ABLIM2: variants seen among roughly 807,000 people sequenced by gnomAD.
ABLIM2 encodes the protein actin binding LIM protein family member 2.
In ABLIM2, 53 loss-of-function variants were observed where a neutral mutation model predicts 97.7. The ratio of observed to expected loss-of-function variants is 0.54; its 90% CI spans 0.44 to 0.68. The LOEUF (loss-of-function observed/expected upper bound fraction) is 0.68, where lower values mean the gene tolerates loss of function less well. Among genes scored for constraint, ABLIM2 ranks in the 30% least tolerant of loss-of-function variants. The probability of loss-of-function intolerance (pLI) is 0.00; values close to 1 mark genes in which losing one functional copy is unlikely to be tolerated. For synonymous variants in ABLIM2, 361 were observed against 345.8 expected, an observed-to-expected ratio of 1.04 and a Z score of -0.49; for missense variants, 835 against 867.2, an observed-to-expected ratio of 0.96 and a Z score of 0.47.
rs1560478001 is a variant in ABLIM2, at chr4:7,994,082, T to TAAAAGACCTGTCCTGGGTCCC, written c.1619-1156_1619-1155insGGGACCCAGGACAGGTCTTTT. 1.6e-3 allele frequency: 98 copies of TAAAAGACCTGTCCTGGGTCCC among 62,476 alleles called. 24 individuals are homozygous for TAAAAGACCTGTCCTGGGTCCC. Among genetic ancestry groups the TAAAAGACCTGTCCTGGGTCCC allele is most frequent in the Middle Eastern group, 5.2e-3 (2 of 388 alleles). The allele number at this position is 62,476 out of a possible 1,614,324, so 3.9% of individuals were successfully genotyped here. On this transcript the variant is annotated intron_variant, in intron 16 of 20. Transcript: ENST00000447017. ...CCCTCCACACCCAGGGAAGCATTCTTTTTTTTTTTTTTTTTTTTTTTTTTT... is the reference window on the plus strand; with the variant it reads ...CCCTCCACACCCAGGGAAGCATTCTTAAAAGACCTGTCCTGGGTCCCTTTTTTTTTTTTTTTTTTTTTTTTT...
intron 16 of ABLIM2, 86 bp from the exon 17 acceptor site, chr4:7,993,013 GTGGGCAAGGC>G: frequency 6.8e-7 from 1 of 1,460,834 alleles, no homozygotes; most frequent in South Asian, 1.2e-5. Context: ...TCCCACCGGG[GTGGGCAAGGC>G]TGGGCAAGCA....
Position 7,998,512 on chromosome 4 carries a change from G to T in ABLIM2, c.1619-5585C>A. The T allele has an allele frequency of 2.3e-6, 1 of 440,600 alleles. No homozygotes were observed. Among genetic ancestry groups the T allele is most frequent in the Middle Eastern group, 3.5e-4 (1 of 2,848 alleles). The allele number at this position is 440,600 out of a possible 1,614,324, so 27.3% of individuals were successfully genotyped here. ...TGTGGGGATAAAATGCCCTTCTTGG[G>T]GTGTCCTGTGTCGCTGGGTGGGGGT... is the stretch of plus-strand genomic sequence containing the variant. On this transcript the variant is annotated intron_variant, in intron 16 of 20. Transcript: ENST00000447017. The surrounding 1 kb of genome is among the most constrained non-coding windows in gnomAD (Gnocchi z 6.4).
chr4:8,003,787 A>G lies in ABLIM2; in HGVS notation c.1618+4272T>C, dbSNP rs1759042472. 6.6e-6 allele frequency among the ~76,000 whole-genome samples: 1 copy of G among 151,176 alleles called. No individual in the cohort carries two copies. The highest frequency in any genetic ancestry group is 2.1e-4 in the South Asian group (1 of 4,788). On this transcript the variant is annotated intron_variant, in intron 16 of 20. Coordinates refer to ENST00000447017, the MANE Select transcript of ABLIM2 (RefSeq NM_001130083.2). This position sits in a 1 kb window ranked among gnomAD's most constrained non-coding sequence, Gnocchi z 4.2. ...ACCATGTTGGTCAGGCTGGTCTCGA[A>G]CTCCTGACCTCAGGTGATCTGCCCG...
chr4:8,016,043 A>ATTTTTTTTTT (rs4006048), intron 14 of ABLIM2, among the ~76,000 whole-genome samples: 4 of 111,110 alleles, frequency 3.6e-5, no homozygotes, highest in African/African-American at 7.4e-5. Flanking sequence ...TTGTTGTTGT[A>ATTTTTTTTTT]TTTTTTTTTT....
At chr4:8,102,814 G>A (rs554053321) in intron 2 of ABLIM2, among the ~76,000 whole-genome samples, 3 of 152,346 alleles carry the variant, frequency 2.0e-5, no homozygotes, top group African/African-American at 7.2e-5. Context: ...CCCACCTGAG[G>A]ACGGCCATGA....
At chr4:8,117,414 G>A (rs947689219) in intron 1 of ABLIM2, among the ~76,000 whole-genome samples, 5 of 150,818 alleles carry the variant, frequency 3.3e-5, no homozygotes, top group Non-Finnish European at 7.4e-5. Context: ...AGATTCTCCT[G>A]CTTCAGGCTC....
intron 10 of ABLIM2, 132 bp downstream of exon 10, chr4:8,036,017 C>T: frequency 1.8e-6 from 2 of 1,141,452 alleles, no homozygotes; most frequent in Non-Finnish European, 2.4e-6. Flanking sequence ...CGTGAAGAGG[C>T]TGAGCGTGTG....
intron 20 of ABLIM2, among the ~76,000 whole-genome samples, chr4:7,981,440 C>T (rs761820138): frequency 4.3e-4 from 65 of 152,138 alleles, no homozygotes; most frequent in African/African-American, 1.3e-3. Context: ...TTCTATCTTC[C>T]GGAAACATAT....
chr4:8,092,334 A>G (rs1829271272), intron 3 of ABLIM2, among the ~76,000 whole-genome samples: 1 of 152,088 alleles, frequency 6.6e-6, no homozygotes, highest in Admixed American at 6.6e-5. Flanking sequence ...GTGAAAGACA[A>G]TAGAATCTCA....
Position 8,081,883 on chromosome 4 carries a change from C to T in ABLIM2, c.455-1081G>A, listed in dbSNP as rs77592469. 3.6e-3 allele frequency among the ~76,000 whole-genome samples: 543 copies of T among 152,282 alleles called. 2 individuals carry two copies. The highest frequency in any genetic ancestry group is 0.01 in the Middle Eastern group (3 of 294). On this transcript the variant is annotated intron_variant, in intron 4 of 20. Coordinates refer to ENST00000447017, the MANE Select transcript of ABLIM2 (RefSeq NM_001130083.2). ...TGTGCATTGATTCATGGATCACACA[C>T]GTCCTCACTCCAGGGACCTGCACCT...
Position 8,061,125 on chromosome 4 carries a change from A to T in ABLIM2, c.676-71T>A. 7.5e-7 allele frequency: 1 copy of T among 1,340,076 alleles called. No individual in the cohort carries two copies. The highest frequency in any genetic ancestry group is 1.0e-6 in the Non-Finnish European group (1 of 959,164). 83.0% of individuals were successfully genotyped at this position (1,340,076 alleles called of 1,614,324 possible). A position where few individuals can be genotyped will look rare whatever the true frequency, so the allele number is the denominator to read the frequency against. On this transcript the variant is annotated intron_variant, in intron 6 of 20. Transcript: ENST00000447017. This position sits in a 1 kb window ranked among gnomAD's most constrained non-coding sequence, Gnocchi z 4.5. ...GGTCGGCTGGGTCCCAGCGCCCGGC[A>T]TGGATACAGCATGCCCTGAGCACAG...
chr4:8,009,041 T>C lies in ABLIM2; in HGVS notation c.1476+9A>G, dbSNP rs754642484. On this transcript the variant is annotated intron_variant, in intron 15 of 20. Transcript: ENST00000447017. ...GCTGTTCTCAGCCAGATCTGCTCCC[T>C]GGCATTACCTTCCTGTTATCCTGGT... The C allele has an allele frequency of 1.8e-5, 29 of 1,613,892 alleles. No individual in the cohort carries two copies. The highest frequency in any genetic ancestry group is 6.6e-5 in the South Asian group (6 of 91,090).
In ABLIM2 at chr4:8,002,034, C is replaced by T. The variant is rs1166208176; in HGVS notation, c.1618+6025G>A. Among the ~76,000 whole-genome samples, 1 of 152,182 alleles carries T rather than the reference C, an allele frequency of 6.6e-6. No homozygotes were observed. Among genetic ancestry groups the T allele is most frequent in the African/African-American group, 2.4e-5 (1 of 41,448 alleles). The stretch of plus-strand genomic sequence containing the variant: ...CTGGGGGCCAGGCAGGAGATCACAC[C>T]TGATTTGAGTCTCAGACCCTCTTGA... On this transcript the variant is annotated intron_variant, in intron 16 of 20. Transcript: ENST00000447017. The surrounding 1 kb of genome is among the most constrained non-coding windows in gnomAD (Gnocchi z 6.1).
intron 1 of ABLIM2, among the ~76,000 whole-genome samples, chr4:8,136,685 C>T (rs1037891437): frequency 6.6e-6 from 1 of 152,190 alleles, no homozygotes; most frequent in African/African-American, 2.4e-5. Context: ...TGAGTCATGC[C>T]GACAAGGCCG....
At chr4:8,065,946 G>A (rs1433314899) in intron 6 of ABLIM2, among the ~76,000 whole-genome samples, 2 of 131,096 alleles carry the variant, frequency 1.5e-5, no homozygotes, top group Non-Finnish European at 3.2e-5. Context: ...GGAAAGAAGG[G>A]AATGGAAGGG....
intron 20 of ABLIM2, among the ~76,000 whole-genome samples, chr4:7,972,344 C>T (rs55740839): frequency 0.22 from 33,396 of 152,206 alleles, 4,501 homozygotes; most frequent in Middle Eastern, 0.35. Context: ...CTCCCATTCA[C>T]CAGCAGCTCT....
In ABLIM2 at chr4:8,123,956, A is replaced by G. The variant is rs1846655470; in HGVS notation, c.11-17319T>C. ...GACCTAAGGAATGCTACTCATGGCTAGAAACCCAAACAGTACATCAAAGAT... is the reference window on the plus strand; with the variant it reads ...GACCTAAGGAATGCTACTCATGGCTGGAAACCCAAACAGTACATCAAAGAT... On this transcript the variant is annotated intron_variant, in intron 1 of 20. Coordinates refer to ENST00000447017, the MANE Select transcript of ABLIM2 (RefSeq NM_001130083.2). The surrounding 1 kb of genome is among the most constrained non-coding windows in gnomAD (Gnocchi z 6.2). Among the ~76,000 whole-genome samples the G allele has an allele frequency of 6.6e-6, 1 of 152,198 alleles. No individual in the cohort carries two copies. The highest frequency in any genetic ancestry group is 2.4e-5 in the African/African-American group (1 of 41,458).
At chr4:8,089,669 G>T (rs554672928) in intron 3 of ABLIM2, among the ~76,000 whole-genome samples, 10 of 150,172 alleles carry the variant, frequency 6.7e-5, no homozygotes, top group Non-Finnish European at 1.5e-5. Flanking sequence ...GGGAGGTGGA[G>T]GTTGCAGTGA....
At position 8,127,431 on chromosome 4, in the gene ABLIM2, C is replaced by G; in HGVS notation, c.11-20794G>C. ...ACTTGACTGGACCCGTCCTTTCCCA[C>G]CAGACCCCTGAAGCTGATTCATGGA... On this transcript the variant is annotated intron_variant, in intron 1 of 20. Coordinates refer to ENST00000447017, the MANE Select transcript of ABLIM2 (RefSeq NM_001130083.2). The surrounding 1 kb of genome is among the most constrained non-coding windows in gnomAD (Gnocchi z 7.3). 1 of 1,223,764 alleles carries G rather than the reference C, an allele frequency of 8.2e-7. No individual in the cohort carries two copies. The highest frequency in any genetic ancestry group is 1.1e-6 in the Non-Finnish European group (1 of 938,146). The allele number at this position is 1,223,764 out of a possible 1,614,324, so 75.8% of individuals were successfully genotyped here. A position where few individuals can be genotyped will look rare whatever the true frequency, so the allele number is the denominator to read the frequency against.
Sources: gnomAD v4.1 joint callset for allele counts (sites outside exome capture counted in the v4.1 genomes callset) on GRCh38, gnomAD v4.1.1 for gene constraint, Gnocchi (gnomAD v3.1) non-coding constraint, MANE v1.5 for transcripts, NCBI Gene and HGNC (gene_info 2026-07-23, HGNC 2026-07-21) for gene names.